RNASEH1: variants seen among roughly 807,000 people sequenced by gnomAD.
RNASEH1 encodes the protein ribonuclease H1, also known as ribonuclease H type II.
In RNASEH1, 27 loss-of-function variants were observed where a neutral mutation model predicts 34.6. The observed-to-expected ratio is 0.78, with a 90% CI of 0.58 to 1.08. RNASEH1 has a LOEUF of 1.08. RNASEH1 is among the 50% of genes least tolerant of loss of function. The pLI, the probability that RNASEH1 is intolerant of heterozygous loss-of-function variation, is 0.00. For missense variants in RNASEH1, 349 were observed against 373.6 expected (o/e 0.93, Z 0.54); for synonymous variants, 162 against 138.4 (o/e 1.17, Z -1.20).
At position 3,542,826 on chromosome 2, in the gene RNASEH1, G is replaced by C. The variant is rs751523676; in HGVS notation, c.*2959C>G. On this transcript the variant is annotated 3_prime_UTR_variant, in exon 8 of 8. Transcript: ENST00000315212. ...GGCCCCAGGACCCTGAATTTGTATT[G>C]GGAATATCAATATAGGCTCAGAAAA... 2.0e-5 allele frequency among the ~76,000 whole-genome samples: 3 copies of C among 152,124 alleles called. No homozygotes were observed. In the South Asian group the frequency reaches 6.2e-4, roughly 32 times the overall value.
At position 3,542,903 on chromosome 2, in the gene RNASEH1, G is replaced by A. The variant is rs533662803; in HGVS notation, c.*2882C>T. On this transcript the variant is annotated 3_prime_UTR_variant, in exon 8 of 8. Coordinates refer to ENST00000315212, the MANE Select transcript of RNASEH1 (RefSeq NM_002936.6). ...AATGTTTGTATTTTTTTAAAGCTCC[G>A]TCCAAAAATCTAGAAATAATGACCA... 3.3e-5 allele frequency among the ~76,000 whole-genome samples: 5 copies of A among 152,084 alleles called. No individual in the cohort carries two copies. The highest frequency in any genetic ancestry group is 7.2e-5 in the African/African-American group (3 of 41,490).
In RNASEH1 at chr2:3,544,785, T is replaced by G. The variant is rs1335981022; in HGVS notation, c.*1000A>C. The G allele has an allele frequency of 5.9e-5, 9 of 152,128 alleles. No homozygotes were observed. The highest frequency in any genetic ancestry group is 1.3e-4 in the Non-Finnish European group (9 of 68,024). 9.4% of individuals were successfully genotyped at this position (152,128 alleles called of 1,614,324 possible). ...CATGTCAAACTTTTACTACTTTTTTTTTTTTTTGAGACAGAGTCTCACTCT... is the reference window on the plus strand; with the variant it reads ...CATGTCAAACTTTTACTACTTTTTTGTTTTTTTGAGACAGAGTCTCACTCT... On this transcript the variant is annotated 3_prime_UTR_variant, in exon 8 of 8. Transcript: ENST00000315212.
intron 7 of RNASEH1, 77 bp downstream of exon 7, chr2:3,547,854 C>T (rs557350831): frequency 1.5e-6 from 2 of 1,378,336 alleles, no homozygotes; most frequent in South Asian, 1.2e-5. Context: ...AAACCACTTA[C>T]ATAAACCATT....
chr2:3,550,142 TAAA>T (rs1162099553), intron 4 of RNASEH1: 13,077 of 232,504 alleles, frequency 0.056, 1 homozygote, highest in South Asian at 0.072. Context: ...GACCGTGTCT[TAAA>T]AAAAAAAAAA....
chr2:3,551,502 C>A (rs185015251), intron 3 of RNASEH1, among the ~76,000 whole-genome samples: 4 of 152,196 alleles, frequency 2.6e-5, no homozygotes, highest in Non-Finnish European at 5.9e-5. Context: ...TCTTTTTTTA[C>A]GTAACTGCAA....
At chr2:3,547,549 G>A (rs1239550630) in intron 7 of RNASEH1, among the ~76,000 whole-genome samples, 9 of 151,048 alleles carry the variant, frequency 6.0e-5, no homozygotes, top group South Asian at 4.2e-4. Flanking sequence ...GTGCAGTGGC[G>A]CGATCTCAGC....
downstream of RNASEH1, among the ~76,000 whole-genome samples, chr2:3,539,081 A>G (rs1668151223): frequency 6.6e-6 from 1 of 152,064 alleles, no homozygotes; most frequent in African/African-American, 2.4e-5. Context: ...TATTAGGGAA[A>G]TTAGTCCTTT....
intron 1 of RNASEH1, among the ~76,000 whole-genome samples, chr2:3,557,200 C>G (rs992137119): frequency 6.6e-6 from 1 of 152,232 alleles, no homozygotes; most frequent in Admixed American, 6.5e-5. Context: ...TATTTTAAAA[C>G]TGTATTCTAT....
chr2:3,547,733 C>A (rs1039766985), intron 7 of RNASEH1, among the ~76,000 whole-genome samples, 198 bp downstream of exon 7: 1 of 152,174 alleles, frequency 6.6e-6, no homozygotes, highest in African/African-American at 2.4e-5. Context: ...GTGATCCACC[C>A]ACCTCAGCCT....
At position 3,542,120 on chromosome 2, in the gene RNASEH1, T is replaced by C. The variant is rs1668356696; in HGVS notation, c.*3665A>G. 6.6e-6 allele frequency among the ~76,000 whole-genome samples: 1 copy of C among 152,040 alleles called. No individual in the cohort carries two copies. Among genetic ancestry groups the C allele is most frequent in the Non-Finnish European group, 1.5e-5 (1 of 67,988 alleles). On this transcript the variant is annotated 3_prime_UTR_variant, in exon 8 of 8. Coordinates refer to ENST00000315212, the MANE Select transcript of RNASEH1 (RefSeq NM_002936.6). ...AGAACAGCCAATTTAGATTTCAACA[T>C]ACAGATAACAGGGATCCCCACAGAA...
rs367648593 is a variant in RNASEH1, at chr2:3,552,300, T to C, written c.253A>G (p.Asn85Asp). 17 of 1,613,138 alleles carry C rather than the reference T, an allele frequency of 1.1e-5. No homozygotes were observed. Among genetic ancestry groups the C allele is most frequent in the African/African-American group, 1.3e-5 (1 of 74,858 alleles). The change falls in exon 3 of 8, where the codon AAT (asparagine) becomes GAT (aspartate). Residue 85 changes from asparagine (N) to aspartate (D), a missense_variant. Physicochemically the swap from Asn to Asp is conservative, Grantham distance 23. Transcript: ENST00000315212. ...GCCTCCGATTCTTGTCCATGTTGAT[T>C]TTCATGCCCTGAAAGACAAGAGTCC... ...ASPEVSEGHE[N>D]QHGQESEAKA...
chr2:3,532,320 C>A, the RNASEH1 span: 1 of 702,168 alleles, frequency 1.4e-6, no homozygotes, highest in Non-Finnish European at 2.6e-6. Flanking sequence ...GCTGTGGGAA[C>A]AAGAAATAAT....
At chr2:3,537,268 A>G (rs947319994), downstream of RNASEH1, among the ~76,000 whole-genome samples, 1 of 152,104 alleles carries the variant, frequency 6.6e-6, no homozygotes, top group African/African-American at 2.4e-5. Context: ...GGATCTGAAC[A>G]CCTCAGCTAA....
rs114645635 is a variant in RNASEH1, at chr2:3,550,135, C to A, written c.509+238G>T. On this transcript the variant is annotated intron_variant, in intron 4 of 7. Coordinates refer to ENST00000315212, the MANE Select transcript of RNASEH1 (RefSeq NM_002936.6). Reference sequence around the variant, plus strand: ...TCCATCCTGGGCAACAGTGTGAGACCGTGTCTTAAAAAAAAAAAAAAAAAA... The same window carrying A: ...TCCATCCTGGGCAACAGTGTGAGACAGTGTCTTAAAAAAAAAAAAAAAAAA... The A allele has an allele frequency of 4.2e-5, 18 of 429,380 alleles. No homozygotes were observed. The Middle Eastern group carries it at 2.1e-3, about 50-fold the overall frequency. The allele number at this position is 429,380 out of a possible 1,614,324, so 26.6% of individuals were successfully genotyped here. A position where few individuals can be genotyped will look rare whatever the true frequency, so the allele number is the denominator to read the frequency against.
downstream of RNASEH1, among the ~76,000 whole-genome samples, chr2:3,540,501 T>C (rs1314482610): frequency 6.6e-6 from 1 of 152,158 alleles, no homozygotes; most frequent in Non-Finnish European, 1.5e-5. Context: ...CTCTGCCGCC[T>C]GGGTTCAAGC....
At position 3,543,372 on chromosome 2, in the gene RNASEH1, G is replaced by A. The variant is rs1465703816; in HGVS notation, c.*2413C>T. 6.6e-6 allele frequency among the ~76,000 whole-genome samples: 1 copy of A among 152,168 alleles called. No individual in the cohort carries two copies. On this transcript the variant is annotated 3_prime_UTR_variant, in exon 8 of 8. Transcript: ENST00000315212. The stretch of plus-strand genomic sequence containing the variant: ...TGTCTAAAGTTTTTCTTTTAAGACA[G>A]GTTTGGAGCAGAAGCTCTATAAATT...
At chr2:3,532,906 C>T in the RNASEH1 span, among the ~76,000 whole-genome samples, 74 of 152,338 alleles carry the variant, frequency 4.9e-4, no homozygotes, top group Middle Eastern at 3.4e-3. Context: ...GGCATGGAGG[C>T]GCTCTCCCGC....
intron 6 of RNASEH1, among the ~76,000 whole-genome samples, chr2:3,548,382 G>C (rs192038800): frequency 2.0e-5 from 3 of 152,280 alleles, no homozygotes; most frequent in Admixed American, 1.3e-4. Context: ...CATCTTAAGT[G>C]ACTTATACAC....
intron 2 of RNASEH1, 129 bp downstream of exon 2, chr2:3,556,660 T>C (rs1660531307): frequency 1.6e-6 from 1 of 633,870 alleles, no homozygotes; most frequent in Non-Finnish European, 2.9e-6. Flanking sequence ...GTTCCCTAAT[T>C]TGTAAAATGA....
Sources: gnomAD v4.1 joint callset for allele counts (sites outside exome capture counted in the v4.1 genomes callset) on GRCh38, gnomAD v4.1.1 for gene constraint, MANE v1.5 for transcripts, NCBI Gene and HGNC (gene_info 2026-07-23, HGNC 2026-07-21) for gene names.